Variants in CTNNA2 observed in about 807,000 individuals in gnomAD.
CTNNA2 encodes catenin alpha 2, also known as catenin alpha-2.
Under a neutral mutation model 101.0 loss-of-function variants are expected in CTNNA2, and 42 were observed. That is an observed-to-expected ratio of 0.42 (90% confidence interval 0.32 to 0.54). The LOEUF (loss-of-function observed/expected upper bound fraction) is 0.54, where lower values mean the gene tolerates loss of function less well. CTNNA2 is among the 20% of genes least tolerant of loss of function. The pLI is 0.14. For synonymous variants in CTNNA2, 450 were observed against 456.4 expected (o/e 0.99, Z 0.18); for missense variants, 871 against 1,223.1 (o/e 0.71, Z 4.29).
chr2:79,612,612 A>G (rs563967193), intron 1 of CTNNA2, among the ~76,000 whole-genome samples: 99 of 152,158 alleles, frequency 6.5e-4, no homozygotes, highest in African/African-American at 2.3e-3. Flanking sequence ...TGTTTTGGGG[A>G]AAAAAATTCA....
chr2:79,927,341 G>A (rs80266907), intron 7 of CTNNA2, among the ~76,000 whole-genome samples: 16,410 of 152,126 alleles, frequency 0.11, 1,162 homozygotes, highest in East Asian at 0.26. Flanking sequence ...TGCCTGCAGA[G>A]GTGGAGAGTG....
chr2:79,284,454 G>C (rs1398879353), intron 2 of CTNNA2, among the ~76,000 whole-genome samples: 3 of 150,998 alleles, frequency 2.0e-5, no homozygotes, highest in Non-Finnish European at 4.4e-5. Flanking sequence ...ACTTTATTGA[G>C]AGTTTTTAGC....
chr2:79,951,571 A>G (rs1688882828), intron 7 of CTNNA2, among the ~76,000 whole-genome samples: 1 of 152,142 alleles, frequency 6.6e-6, no homozygotes, highest in Non-Finnish European at 1.5e-5. Context: ...AAACGGAGGC[A>G]GGAGAATCAC....
At chr2:79,435,246 C>G (rs1033569667) in intron 4 of CTNNA2, among the ~76,000 whole-genome samples, 4 of 152,090 alleles carry the variant, frequency 2.6e-5, no homozygotes, top group Admixed American at 2.0e-4. Context: ...AGATTGCATT[C>G]CTTTTGTTTT....
Position 79,452,075 on chromosome 2 carries a change from T to G in CTNNA2, c.-134-52979T>G, listed in dbSNP as rs187848863. Among the ~76,000 whole-genome samples the G allele has an allele frequency of 2.0e-5, 3 of 152,248 alleles. No homozygotes were observed. In the East Asian group the frequency reaches 5.8e-4, roughly 29 times the overall value. On this transcript the variant is annotated intron_variant, in intron 4 of 21. Transcript: ENST00000466387. ...ACACTGTCAGAGTGTTTAAACACAT[T>G]TCATCTTTATTTTTCTGGCTACTTA...
intron 7 of CTNNA2, among the ~76,000 whole-genome samples, chr2:80,153,941 C>G (rs550640036): frequency 6.6e-6 from 1 of 152,270 alleles, no homozygotes; most frequent in East Asian, 1.9e-4. Context: ...CTTCCAAACT[C>G]TGCAACCTTG....
At chr2:79,808,736 G>A (rs1263364516) in intron 3 of CTNNA2, among the ~76,000 whole-genome samples, 1 of 151,728 alleles carries the variant, frequency 6.6e-6, no homozygotes, top group Admixed American at 6.6e-5. Flanking sequence ...ATTTTTATAG[G>A]CAAATTTGGG....
intron 3 of CTNNA2, among the ~76,000 whole-genome samples, chr2:79,777,953 T>G (rs1248571955): frequency 2.0e-5 from 3 of 151,230 alleles, no homozygotes; most frequent in Non-Finnish European, 4.4e-5. Context: ...ATGATTTATG[T>G]GAAATTCACA....
chr2:80,001,380 G>A (rs1213312388), intron 7 of CTNNA2, among the ~76,000 whole-genome samples: 1 of 152,052 alleles, frequency 6.6e-6, no homozygotes, highest in Non-Finnish European at 1.5e-5. Flanking sequence ...TTTGAAGTTA[G>A]CTATGAATTA....
intron 7 of CTNNA2, among the ~76,000 whole-genome samples, chr2:80,137,790 G>A (rs1040261887): frequency 2.0e-5 from 3 of 151,804 alleles, no homozygotes; most frequent in Non-Finnish European, 4.4e-5. Context: ...ATTTCTATTG[G>A]GACTTCTGTG....
chr2:79,609,954 T>G (rs752337844), intron 1 of CTNNA2, among the ~76,000 whole-genome samples: 19 of 152,132 alleles, frequency 1.2e-4, no homozygotes, highest in Admixed American at 5.9e-4. Context: ...AATCTTTCGT[T>G]TTTTTGAAGG....
At chr2:79,196,913 T>C (rs1325631762) in intron 1 of CTNNA2, among the ~76,000 whole-genome samples, 2 of 152,190 alleles carry the variant, frequency 1.3e-5, no homozygotes, top group Non-Finnish European at 2.9e-5. Flanking sequence ...TCTCTCATGG[T>C]TCTGATTTAT....
At chr2:79,511,419 C>T (rs1240543801), upstream of CTNNA2, among the ~76,000 whole-genome samples, 4 of 152,136 alleles carry the variant, frequency 2.6e-5, no homozygotes, top group East Asian at 3.9e-4. Flanking sequence ...AATCATTTGG[C>T]GCTCGGCACT....
At chr2:79,290,427 C>A (rs1675768880) in intron 2 of CTNNA2, among the ~76,000 whole-genome samples, 1 of 152,114 alleles carries the variant, frequency 6.6e-6, no homozygotes, top group Non-Finnish European at 1.5e-5. Context: ...GCCCTGTGCC[C>A]ACGGACCTAG....
At chr2:79,603,765 TA>T (rs1677704196) in intron 1 of CTNNA2, among the ~76,000 whole-genome samples, 1 of 152,190 alleles carries the variant, frequency 6.6e-6, no homozygotes, top group South Asian at 2.1e-4. Flanking sequence ...AAGTAAGGGC[TA>T]AATAAAGTTA....
chr2:79,612,753 A>G (rs62140092), intron 1 of CTNNA2, among the ~76,000 whole-genome samples: 6,849 of 152,226 alleles, frequency 0.045, 220 homozygotes, highest in Non-Finnish European at 0.065. Context: ...AAAATTACCT[A>G]GTAATGTAAA....
intron 3 of CTNNA2, among the ~76,000 whole-genome samples, chr2:79,817,119 T>C (rs920306157): frequency 6.6e-6 from 1 of 152,060 alleles, no homozygotes; most frequent in Admixed American, 6.6e-5. Flanking sequence ...ATGTGCCATG[T>C]TGGTGTGCTG....
At chr2:79,468,724 C>T (rs77524480) in intron 4 of CTNNA2, among the ~76,000 whole-genome samples, 6,846 of 152,210 alleles carry the variant, frequency 0.045, 439 homozygotes, top group African/African-American at 0.15. Flanking sequence ...GATTAAGAAA[C>T]GCACTCAAAA....
At chr2:80,139,533 C>T (rs147368710) in intron 7 of CTNNA2, among the ~76,000 whole-genome samples, 130 of 152,122 alleles carry the variant, frequency 8.5e-4, no homozygotes, top group African/African-American at 3.0e-3. Flanking sequence ...AGTTTTCACC[C>T]CCTCTTATGT....
Sources: allele counts gnomAD v4.1 joint callset (sites outside exome capture counted in the v4.1 genomes callset), GRCh38; gene constraint gnomAD v4.1.1; transcripts MANE v1.5; gene names NCBI Gene and HGNC (gene_info 2026-07-23, HGNC 2026-07-21).